The following C10orf90 variants were observed in gnomAD, a reference collection of about 807,000 sequenced individuals.
The protein encoded by C10orf90 is chromosome 10 open reading frame 90, also known as (E2-independent) E3 ubiquitin-conjugating enzyme FATS.
A neutral mutation model predicts 62.5 loss-of-function variants in C10orf90; 56 were observed. The observed-to-expected ratio is 0.90, with a 90% CI of 0.72 to 1.12. The LOEUF is 1.12. Among genes scored for constraint, C10orf90 ranks in the 50% most tolerant of loss-of-function variants. The pLI is 0.00. For missense variants in C10orf90, 970 were observed against 880.4 expected, an observed-to-expected ratio of 1.10 and a Z score of -1.29; for synonymous variants, 386 against 340.4, an observed-to-expected ratio of 1.13 and a Z score of -1.47.
intron 2 of C10orf90, among the ~76,000 whole-genome samples, chr10:126,516,491 C>G (rs1397561584): frequency 6.6e-6 from 1 of 152,172 alleles, no homozygotes; most frequent in East Asian, 1.9e-4. Context: ...TGGTTCCTCA[C>G]CATGAGATGA....
At chr10:126,620,474 C>T (rs1019538543) in intron 2 of C10orf90, among the ~76,000 whole-genome samples, 6 of 152,140 alleles carry the variant, frequency 3.9e-5, no homozygotes, top group Non-Finnish European at 7.3e-5. Flanking sequence ...TTAAAATTCA[C>T]GTTATCAATT....
At chr10:126,597,073 G>T (rs1399705448) in intron 2 of C10orf90, among the ~76,000 whole-genome samples, 1 of 152,160 alleles carries the variant, frequency 6.6e-6, no homozygotes, top group Non-Finnish European at 1.5e-5. Flanking sequence ...AAAATACGGA[G>T]AAATCTCAAC....
chr10:126,486,677 A>G (rs1035572262), intron 4 of C10orf90, among the ~76,000 whole-genome samples: 3 of 152,242 alleles, frequency 2.0e-5, no homozygotes, highest in Non-Finnish European at 2.9e-5. Context: ...GCACTTTTAT[A>G]AACAAAAAAT....
At chr10:126,432,031 C>T (rs1290985468) in intron 7 of C10orf90, among the ~76,000 whole-genome samples, 1 of 152,206 alleles carries the variant, frequency 6.6e-6, no homozygotes, top group Non-Finnish European at 1.5e-5. Context: ...GTGACCTCAA[C>T]CCATACCCCC....
intron 2 of C10orf90, chr10:126,522,756 G>A (rs1863803218): frequency 6.6e-6 from 1 of 152,192 alleles, no homozygotes; most frequent in African/African-American, 2.4e-5. Flanking sequence ...CTAAAGCTGC[G>A]AGTTTGCAAT....
rs149425521 is a variant in C10orf90, at chr10:126,510,913, G to A, written c.405+2935C>T. On this transcript the variant is annotated intron_variant, in intron 3 of 9. Transcript: ENST00000488181. ...GAGAGGCGATGCCTCCATTCCTGTAGCAATTTATTTCTCCAAAGAATAAGG... is the reference window on the plus strand; with the variant it reads ...GAGAGGCGATGCCTCCATTCCTGTAACAATTTATTTCTCCAAAGAATAAGG... 2.6e-3 allele frequency among the ~76,000 whole-genome samples: 402 copies of A among 152,350 alleles called. 2 individuals carry two copies. The highest frequency in any genetic ancestry group is 9.3e-3 in the African/African-American group (388 of 41,596).
At chr10:126,526,216 G>A (rs890260746) in intron 2 of C10orf90, among the ~76,000 whole-genome samples, 1 of 151,382 alleles carries the variant, frequency 6.6e-6, no homozygotes, top group Non-Finnish European at 1.5e-5. Flanking sequence ...CTGATGGCCT[G>A]AGATGATCTC....
rs574982443 is a variant in C10orf90, at chr10:126,625,205, T to C, written c.313+21360A>G. Among the ~76,000 whole-genome samples the C allele has an allele frequency of 2.3e-4, 35 of 152,228 alleles. 1 individual carries two copies. Among genetic ancestry groups the C allele is most frequent in the African/African-American group, 8.4e-4 (35 of 41,548 alleles). On this transcript the variant is annotated intron_variant, in intron 2 of 9. Transcript: ENST00000488181. Reference sequence around the variant, plus strand: ...GCCTCAAGCCCACGCTGGACCCCCTTCAACAAATATGCTGGGAGCCCCTGA... The same window carrying C: ...GCCTCAAGCCCACGCTGGACCCCCTCCAACAAATATGCTGGGAGCCCCTGA...
rs1178356548 is a variant in C10orf90, at chr10:126,425,781, A to T, written c.*83T>A. 16 of 1,370,432 alleles carry T rather than the reference A, an allele frequency of 1.2e-5. No homozygotes were observed. Among genetic ancestry groups the T allele is most frequent in the Non-Finnish European group, 1.6e-5 (16 of 1,001,248 alleles). The allele number at this position is 1,370,432 out of a possible 1,614,324, so 84.9% of individuals were successfully genotyped here. A position where few individuals can be genotyped will look rare whatever the true frequency, so the allele number is the denominator to read the frequency against. ...GTAAAATAAGTGTTTTCCCATGATG[A>T]AGATAATGCTAAGTTTAATGGCTTA... On this transcript the variant is annotated 3_prime_UTR_variant, in exon 10 of 10. Transcript: ENST00000488181.
At chr10:126,498,005 T>C (rs1209889300) in intron 4 of C10orf90, among the ~76,000 whole-genome samples, 1 of 152,226 alleles carries the variant, frequency 6.6e-6, no homozygotes, top group Non-Finnish European at 1.5e-5. Flanking sequence ...AAACTCATTC[T>C]GCTCAATTCT....
At chr10:126,635,449 C>T (rs944355653) in intron 2 of C10orf90, among the ~76,000 whole-genome samples, 2 of 152,204 alleles carry the variant, frequency 1.3e-5, no homozygotes, top group Admixed American at 6.5e-5. Context: ...TAATCACATT[C>T]GTGAGAGCCA....
intron 2 of C10orf90, among the ~76,000 whole-genome samples, chr10:126,621,544 A>C: frequency 6.6e-6 from 1 of 152,202 alleles, no homozygotes; most frequent in African/African-American, 2.4e-5. Context: ...GTTTGTTTCA[A>C]GTATTCTTCC....
chr10:126,626,587 T>G (rs1301890190), intron 2 of C10orf90, among the ~76,000 whole-genome samples: 1 of 152,240 alleles, frequency 6.6e-6, no homozygotes, highest in African/African-American at 2.4e-5. Flanking sequence ...GAAGCATTAC[T>G]GCATCTTTGA....
At chr10:126,510,051 T>G (rs190789351) in intron 3 of C10orf90, among the ~76,000 whole-genome samples, 2 of 152,318 alleles carry the variant, frequency 1.3e-5, no homozygotes, top group South Asian at 2.1e-4. Context: ...CTCTGTCCTC[T>G]GCTCCATGTC....
chr10:126,587,564 T>G (rs1379391072), intron 2 of C10orf90, among the ~76,000 whole-genome samples: 1 of 152,196 alleles, frequency 6.6e-6, no homozygotes, highest in Non-Finnish European at 1.5e-5. Context: ...CTGAACCTAA[T>G]TACCTCCCAA....
intron 1 of C10orf90, among the ~76,000 whole-genome samples, chr10:126,654,201 T>C (rs976970706): frequency 6.6e-6 from 1 of 152,202 alleles, no homozygotes; most frequent in African/African-American, 2.4e-5. Flanking sequence ...GCCTGTCCTG[T>C]GGAAGCCAGG....
At chr10:126,537,356 G>A (rs906277767) in intron 2 of C10orf90, among the ~76,000 whole-genome samples, 1 of 152,186 alleles carries the variant, frequency 6.6e-6, no homozygotes, top group Non-Finnish European at 1.5e-5. Context: ...GAATGAGACA[G>A]TTTATGGCCT....
At chr10:126,606,549 A>G (rs1308543145) in intron 2 of C10orf90, among the ~76,000 whole-genome samples, 1 of 152,108 alleles carries the variant, frequency 6.6e-6, no homozygotes, top group Non-Finnish European at 1.5e-5. Context: ...CAAAACAGTG[A>G]GCTCACCGCG....
chr10:126,564,872 A>C, intron 2 of C10orf90, among the ~76,000 whole-genome samples: 2 of 6,872 alleles, frequency 2.9e-4, no homozygotes, highest in African/African-American at 9.4e-4. Flanking sequence ...TATATTATAT[A>C]TAATATATAA....
Sources: gnomAD v4.1 joint callset for allele counts (sites outside exome capture counted in the v4.1 genomes callset) on GRCh38, gnomAD v4.1.1 for gene constraint, MANE v1.5 for transcripts, NCBI Gene and HGNC (gene_info 2026-07-23, HGNC 2026-07-21) for gene names.